HTR5A: variants seen among roughly 807,000 people sequenced by gnomAD.
The protein encoded by HTR5A is 5-hydroxytryptamine receptor 5A.
In HTR5A, 21 loss-of-function variants were observed where a neutral mutation model predicts 24.3. That is an observed-to-expected ratio of 0.86 (90% CI 0.61 to 1.24). HTR5A has a LOEUF of 1.24. Among genes scored for constraint, HTR5A ranks in the 50% most tolerant of loss-of-function variants. HTR5A has a pLI of 0.00. For synonymous variants in HTR5A, 260 were observed against 213.7 expected, an observed-to-expected ratio of 1.22 and a Z score of -1.89; for missense variants, 497 against 489.5, an observed-to-expected ratio of 1.02 and a Z score of -0.15.
chr7:155,083,176 CAAAGAT>C, intron 1 of HTR5A, among the ~76,000 whole-genome samples: 1 of 152,176 alleles, frequency 6.6e-6, no homozygotes, highest in South Asian at 2.1e-4. Flanking sequence ...TTCTTTGCCT[CAAAGAT>C]CGTATGCTCT....
chr7:155,072,924 G>A (rs1011036910), intron 1 of HTR5A, among the ~76,000 whole-genome samples: 4 of 152,134 alleles, frequency 2.6e-5, no homozygotes, highest in African/African-American at 9.7e-5. Context: ...AGAAAACGAG[G>A]GGTCAGAGGC....
chr7:155,072,945 T>C (rs1795313199), intron 1 of HTR5A, among the ~76,000 whole-genome samples: 1 of 152,084 alleles, frequency 6.6e-6, no homozygotes, highest in African/African-American at 2.4e-5. Context: ...TACCTGTTCT[T>C]TTACCTATAT....
chr7:155,071,999 T>C (rs1042567197), intron 1 of HTR5A, among the ~76,000 whole-genome samples: 1 of 152,024 alleles, frequency 6.6e-6, no homozygotes, highest in Non-Finnish European at 1.5e-5. Flanking sequence ...GCTGATTCAG[T>C]ACACTGGAAA....
At chr7:155,073,830 T>TAC (rs60282843) in intron 1 of HTR5A, among the ~76,000 whole-genome samples, 21 of 135,746 alleles carry the variant, frequency 1.5e-4, no homozygotes, top group Admixed American at 2.3e-4. Context: ...TTTATATAGA[T>TAC]ACACACACAC....
intron 1 of HTR5A, among the ~76,000 whole-genome samples, chr7:155,076,795 G>T (rs1201251335): frequency 1.3e-5 from 2 of 152,188 alleles, no homozygotes; most frequent in East Asian, 1.9e-4. Context: ...TGGTATATAA[G>T]ATTTAAAGGC....
At chr7:155,084,112 G>A in intron 1 of HTR5A, 43 bp from the exon 2 acceptor site, 1 of 1,481,258 alleles carries the variant, frequency 6.8e-7, no homozygotes, top group African/African-American at 1.4e-5. Flanking sequence ...CTAGCAGGTA[G>A]ACTGAGGTGG....
In HTR5A at chr7:155,070,948, C is replaced by A; in HGVS notation, c.49C>A (p.Pro17Thr). Residue 17 changes from proline (P) to threonine (T), a missense_variant, in exon 1 of 2, where the codon CCT (proline) becomes ACT (threonine). Coordinates refer to ENST00000287907, the MANE Select transcript of HTR5A (RefSeq NM_024012.4). ...CTCCTTTTCCCTCTCCACCCCCTCC[C>A]CTTTGGAGACCAACCACAGCCTCGG... The part of the protein sequence containing the change: ...LTSFSLSTPS[P>T]LETNHSLGKD... 1 of 1,609,454 alleles carries A rather than the reference C, an allele frequency of 6.2e-7. No homozygotes were observed. The highest frequency in any genetic ancestry group is 8.5e-7 in the Non-Finnish European group (1 of 1,180,006).
chr7:155,077,829 T>A (rs1467231054), intron 1 of HTR5A, among the ~76,000 whole-genome samples: 2 of 152,204 alleles, frequency 1.3e-5, no homozygotes, highest in African/African-American at 4.8e-5. Flanking sequence ...AATTTTCTTT[T>A]TTGCTTTTCA....
chr7:155,084,455 G>A lies in HTR5A; in HGVS notation c.1042G>A (p.Ala348Thr), dbSNP rs758761162. 2.7e-5 allele frequency: 43 copies of A among 1,613,000 alleles called. No homozygotes were observed. Among genetic ancestry groups the A allele is most frequent in the Non-Finnish European group, 3.5e-5 (41 of 1,179,414 alleles). ...YTAFNKNYNS[A>T]FKNFFSRQH ...GGCTTTCAACAAGAACTACAACAGC[G>A]CCTTCAAGAACTTCTTTTCTAGGCA... Residue 348 changes from alanine to threonine, a missense_variant, in exon 2 of 2, where the codon GCC (alanine) becomes ACC (threonine). Transcript: ENST00000287907.
In HTR5A at chr7:155,078,598, C is replaced by A. The variant is rs924535317; in HGVS notation, c.742-5557C>A. Reference sequence around the variant, plus strand: ...AAAGTGCTGGGATTACAGGCGTGAGCCACCATGCCCAGATTCATTTAGTTT... The same window carrying A: ...AAAGTGCTGGGATTACAGGCGTGAGACACCATGCCCAGATTCATTTAGTTT... On this transcript the variant is annotated intron_variant, in intron 1 of 1. Coordinates refer to ENST00000287907, the MANE Select transcript of HTR5A (RefSeq NM_024012.4). 3.9e-5 allele frequency among the ~76,000 whole-genome samples: 6 copies of A among 152,304 alleles called. No homozygotes were observed. The East Asian group carries it at 1.2e-3, about 29-fold the overall frequency.
Position 155,071,407 on chromosome 7 carries a change from G to T in HTR5A, c.508G>T (p.Ala170Ser), listed in dbSNP as rs139448245. 8 of 1,614,036 alleles carry T rather than the reference G, an allele frequency of 5.0e-6. No individual in the cohort carries two copies. The highest frequency in any genetic ancestry group is 5.1e-6 in the Non-Finnish European group (6 of 1,180,054). The change falls in exon 1 of 2, where the codon GCT (alanine) becomes TCT (serine). Residue 170 changes from alanine (A) to serine (S), a missense_variant. By Grantham distance (99) the Ala-to-Ser change is moderately conservative (BLOSUM62 1). Transcript: ENST00000287907. Reference protein sequence around the residue: ...VMIALTWALSAVISLAPLLFG... With the variant: ...VMIALTWALSSVISLAPLLFG... ...GATCGCGCTCACCTGGGCACTCTCC[G>T]CTGTCATCTCTCTGGCCCCGCTGCT...
Position 155,085,280 on chromosome 7 carries a change from G to C in HTR5A, c.*793G>C, listed in dbSNP as rs2150822326. On this transcript the variant is annotated 3_prime_UTR_variant, in exon 2 of 2. Transcript: ENST00000287907. ...TGGTTTCATAGAATCTGTCAGATTT[G>C]TTTATTTGCTACTGGTTTCACGCGC... The C allele has an allele frequency of 6.6e-6, 1 of 152,310 alleles. No homozygotes were observed. The highest frequency in any genetic ancestry group is 2.1e-4 in the South Asian group (1 of 4,828). The allele number at this position is 152,310 out of a possible 1,614,324, so 9.4% of individuals were successfully genotyped here. A position where few individuals can be genotyped will look rare whatever the true frequency, so the allele number is the denominator to read the frequency against.
chr7:155,082,521 T>C (rs1245225977), intron 1 of HTR5A, among the ~76,000 whole-genome samples: 1 of 152,226 alleles, frequency 6.6e-6, no homozygotes, highest in Non-Finnish European at 1.5e-5. Context: ...CTCCACAGTG[T>C]GACCATGTCT....
At position 155,084,980 on chromosome 7, in the gene HTR5A, G is replaced by A. The variant is rs1451621727; in HGVS notation, c.*493G>A. The A allele has an allele frequency of 4.5e-5, 7 of 155,480 alleles. No homozygotes were observed. Among genetic ancestry groups the A allele is most frequent in the African/African-American group, 7.2e-5 (3 of 41,382 alleles). The allele number at this position is 155,480 out of a possible 1,614,324, so 9.6% of individuals were successfully genotyped here. A position where few individuals can be genotyped will look rare whatever the true frequency, so the allele number is the denominator to read the frequency against. On this transcript the variant is annotated 3_prime_UTR_variant, in exon 2 of 2. Coordinates refer to ENST00000287907, the MANE Select transcript of HTR5A (RefSeq NM_024012.4). Reference sequence around the variant, plus strand: ...GTCCTAGTACATATATCCTAATACTGATGGGGTATGACCCAAGAGTTGACC... The same window carrying A: ...GTCCTAGTACATATATCCTAATACTAATGGGGTATGACCCAAGAGTTGACC...
chr7:155,073,885 ATATG>A (rs1196772064), intron 1 of HTR5A, among the ~76,000 whole-genome samples: 228 of 7,438 alleles, frequency 0.031, 4 homozygotes, highest in Non-Finnish European at 0.038. Context: ...ATGTATATAT[ATATG>A]TATATATATA....
chr7:155,073,053 G>A (rs1795314729), intron 1 of HTR5A, among the ~76,000 whole-genome samples: 1 of 152,122 alleles, frequency 6.6e-6, no homozygotes, highest in African/African-American at 2.4e-5. Context: ...AGGTGCGGTG[G>A]CTCACGCCTG....
At chr7:155,074,318 G>A (rs983380926) in intron 1 of HTR5A, among the ~76,000 whole-genome samples, 1 of 152,166 alleles carries the variant, frequency 6.6e-6, no homozygotes, top group Non-Finnish European at 1.5e-5. Flanking sequence ...CTAGAGATCT[G>A]AAATAAAATG....
In HTR5A at chr7:155,086,419, A is replaced by G. The variant is rs543871816; in HGVS notation, c.*1932A>G. 4.6e-5 allele frequency among the ~76,000 whole-genome samples: 7 copies of G among 152,198 alleles called. No homozygotes were observed. The highest frequency in any genetic ancestry group is 8.8e-5 in the Non-Finnish European group (6 of 68,032). ...GCGAAGCTTGAGGAAGATGTGCCAC[A>G]TTTTTCTGGTGGCTTCAAACACTCC... On this transcript the variant is annotated 3_prime_UTR_variant, in exon 2 of 2. Transcript: ENST00000287907.
Position 155,084,355 on chromosome 7 carries a change from C to T in HTR5A, c.942C>T (p.Asp314=), listed in dbSNP as rs900278431. The change falls in exon 2 of 2, where the codon GAC becomes GAT. Residue 314 remains aspartate (D), a synonymous_variant. Transcript: ENST00000287907. The stretch of plus-strand genomic sequence containing the variant: ...TCATCAGTCCCCTCTGCTCCTGTGA[C>T]ATCCCCGCCATCTGGAAAAGCATCT... ...TELISPLCSC[D]IPAIWKSIFL... is the part of the protein sequence containing the mutation. The T allele has an allele frequency of 1.9e-6, 3 of 1,614,088 alleles. No individual in the cohort carries two copies. The African/African-American group carries it at 4.0e-5, about 22-fold the overall frequency.
Sources: allele counts gnomAD v4.1 joint callset (sites outside exome capture counted in the v4.1 genomes callset), GRCh38; gene constraint gnomAD v4.1.1; transcripts MANE v1.5; gene names NCBI Gene and HGNC (gene_info 2026-07-23, HGNC 2026-07-21).